FAM20A: variants seen among roughly 807,000 people sequenced by gnomAD.
FAM20A encodes pseudokinase FAM20A.
Under a neutral mutation model 52.0 loss-of-function variants are expected in FAM20A, and 42 were observed. That is an observed-to-expected ratio of 0.81 (90% CI 0.63 to 1.04). The LOEUF (loss-of-function observed/expected upper bound fraction) is 1.04. Ranked by LOEUF, FAM20A falls within the 50% of genes least tolerant of loss-of-function variation. The probability of loss-of-function intolerance (pLI) is 0.00; values close to 1 mark genes in which losing one functional copy is unlikely to be tolerated. For missense variants in FAM20A, 742 were observed against 712.7 expected, an observed-to-expected ratio of 1.04 and a Z score of -0.47; for synonymous variants, 304 against 298.9, an observed-to-expected ratio of 1.02 and a Z score of -0.18.
chr17:68,585,441 G>T, intron 1 of FAM20A, among the ~76,000 whole-genome samples: 1 of 90,448 alleles, frequency 1.1e-5, no homozygotes, highest in South Asian at 4.4e-4. Context: ...CCAATACCAT[G>T]GCTTTATTTA....
chr17:68,580,447 A>G (rs2087910831), intron 1 of FAM20A, among the ~76,000 whole-genome samples: 1 of 152,202 alleles, frequency 6.6e-6, no homozygotes, highest in African/African-American at 2.4e-5. Context: ...AGCTGGTTTT[A>G]TGCTATGTTG....
rs2086132711 is a variant in FAM20A at position 68,537,653 on chromosome 17, C to G, written c.1450G>C (p.Asp484His). Residue 484 changes from aspartate to histidine, a missense_variant, in exon 11 of 11, where the codon GAC (aspartate) becomes CAC (histidine). By Grantham distance (81) the Asp-to-His change is moderately conservative. Transcript: ENST00000592554. This position sits in a 1 kb window ranked among gnomAD's most constrained non-coding sequence, Gnocchi z 4.2. ...SDVMRESLLE[D>H]QLSPVLTEPH... ...TCAGTGAGGACAGGGCTGAGCTGGTCTTCCAGCAGTGATTCTCGCATCACA... is the reference window on the plus strand; with the variant it reads ...TCAGTGAGGACAGGGCTGAGCTGGTGTTCCAGCAGTGATTCTCGCATCACA... 6.2e-7 allele frequency: 1 copy of G among 1,613,798 alleles called. No homozygotes were observed.
intron 2 of FAM20A, among the ~76,000 whole-genome samples, 178 bp from the exon 3 acceptor site, chr17:68,555,005 T>G (rs1321984040): frequency 1.3e-5 from 2 of 152,298 alleles, no homozygotes; most frequent in East Asian, 3.9e-4. Flanking sequence ...CCTCCTTCCC[T>G]GCTGTGTCCC....
chr17:68,575,128 C>G (rs1177523135), intron 1 of FAM20A: 1 of 151,990 alleles, frequency 6.6e-6, no homozygotes, highest in Non-Finnish European at 1.5e-5. Flanking sequence ...CCTAGAGCCT[C>G]AGGAGGGGAC....
chr17:68,577,241 C>T (rs937466028), intron 1 of FAM20A, among the ~76,000 whole-genome samples: 13 of 152,330 alleles, frequency 8.5e-5, no homozygotes, highest in Middle Eastern at 3.4e-3. Flanking sequence ...CATTTCCTTA[C>T]GTAGCACACA....
intron 1 of FAM20A, chr17:68,592,026 A>T (rs1056005296): frequency 6.6e-6 from 1 of 152,208 alleles, no homozygotes; most frequent in Admixed American, 6.5e-5. Context: ...GAAAATGAAC[A>T]TATGCACTGG....
At position 68,599,567 on chromosome 17, in the gene FAM20A, C is replaced by T. The variant is rs546917056; in HGVS notation, c.404+696G>A. 2.0e-5 allele frequency among the ~76,000 whole-genome samples: 3 copies of T among 152,310 alleles called. No homozygotes were observed. The South Asian group carries it at 6.2e-4, about 32-fold the overall frequency. On this transcript the variant is annotated intron_variant, in intron 1 of 10. Coordinates refer to ENST00000592554, the MANE Select transcript of FAM20A (RefSeq NM_017565.4). The stretch of plus-strand genomic sequence containing the variant: ...CATCAAGCCGCAGATCCAAGTCAGT[C>T]CAAATCACCAGGATCATACAAGACG...
At chr17:68,545,143 C>T (rs1425158164) in intron 4 of FAM20A, among the ~76,000 whole-genome samples, 1 of 152,132 alleles carries the variant, frequency 6.6e-6, no homozygotes, top group African/African-American at 2.4e-5. Flanking sequence ...TCAAGAGATA[C>T]ATTTTAAAAT....
chr17:68,575,224 T>G (rs2087693441), intron 1 of FAM20A: 1 of 151,058 alleles, frequency 6.6e-6, no homozygotes, highest in Non-Finnish European at 1.5e-5. Context: ...CCAGTCAGTT[T>G]GTAATAATGT....
At chr17:68,585,922 C>T (rs1394364722) in intron 1 of FAM20A, among the ~76,000 whole-genome samples, 2 of 152,080 alleles carry the variant, frequency 1.3e-5, no homozygotes, top group African/African-American at 2.4e-5. Flanking sequence ...GGAGGTGAGG[C>T]GAGAAGGACA....
At chr17:68,541,047 C>G (rs2086267529) in intron 7 of FAM20A, 89 bp from the exon 8 acceptor site, 2 of 1,539,322 alleles carry the variant, frequency 1.3e-6, no homozygotes, top group East Asian at 4.9e-5. Flanking sequence ...CCCCCCAATC[C>G]CTGCCTCCCT....
At chr17:68,564,559 G>A (rs1265571554) in intron 1 of FAM20A, among the ~76,000 whole-genome samples, 3 of 152,224 alleles carry the variant, frequency 2.0e-5, no homozygotes, top group Non-Finnish European at 4.4e-5. Flanking sequence ...TGGCATGTGT[G>A]TGAGACTGCA....
chr17:68,600,161 C>T lies in FAM20A; in HGVS notation c.404+102G>A. The T allele has an allele frequency of 7.4e-7, 1 of 1,359,068 alleles. No individual in the cohort carries two copies. Among genetic ancestry groups the T allele is most frequent in the Non-Finnish European group, 9.9e-7 (1 of 1,013,996 alleles). 84.2% of individuals were successfully genotyped at this position (1,359,068 alleles called of 1,614,324 possible). A position where few individuals can be genotyped will look rare whatever the true frequency, so the allele number is the denominator to read the frequency against. ...CCAGGGCTGGAGCCGTGGGTGGAGC[C>T]GCTGCAGCCCTGGGCCGGGGGCGTC... On this transcript the variant is annotated intron_variant, in intron 1 of 10. Coordinates refer to ENST00000592554, the MANE Select transcript of FAM20A (RefSeq NM_017565.4). This position sits in a 1 kb window ranked among gnomAD's most constrained non-coding sequence, Gnocchi z 6.2.
At chr17:68,546,721 T>C (rs539213905) in intron 4 of FAM20A, among the ~76,000 whole-genome samples, 315 of 151,026 alleles carry the variant, frequency 2.1e-3, no homozygotes, top group Admixed American at 4.1e-3. Flanking sequence ...TCCCAGCCAC[T>C]CGGGAGGCTG....
At chr17:68,557,742 G>C (rs2087095406) in intron 1 of FAM20A, among the ~76,000 whole-genome samples, 1 of 152,182 alleles carries the variant, frequency 6.6e-6, no homozygotes, top group Non-Finnish European at 1.5e-5. Context: ...TGATTGCCCA[G>C]TGCAGAGGAG....
At chr17:68,593,146 TATGTC>T (rs2088359043) in intron 1 of FAM20A, among the ~76,000 whole-genome samples, 1 of 152,252 alleles carries the variant, frequency 6.6e-6, no homozygotes, top group African/African-American at 2.4e-5. Flanking sequence ...GGTAAGAACT[TATGTC>T]TAGTAACTTC....
chr17:68,539,291 G>A (rs2086189380), intron 10 of FAM20A, 46 bp downstream of exon 10: 3 of 1,602,040 alleles, frequency 1.9e-6, no homozygotes, highest in African/African-American at 2.7e-5. Context: ...AGCATGAAGG[G>A]TCACAACTGT....
rs766899260 is a variant in FAM20A, at chr17:68,537,460, CTG to C, written c.*15_*16del. On this transcript the variant is annotated 3_prime_UTR_variant, in exon 11 of 11. Transcript: ENST00000592554. This position sits in a 1 kb window ranked among gnomAD's most constrained non-coding sequence, Gnocchi z 4.2. The stretch of plus-strand genomic sequence containing the variant: ...CTGGCTCCAGGCGTATTTTCTGAAA[CTG>C]GACTCTGCCAGCCCTTAGCTTGTCA... 1 of 1,613,922 alleles carries C rather than the reference CTG, an allele frequency of 6.2e-7. No homozygotes were observed. The highest frequency in any genetic ancestry group is 1.3e-5 in the African/African-American group (1 of 74,894).
At chr17:68,558,588 C>A (rs1209688621) in intron 1 of FAM20A, among the ~76,000 whole-genome samples, 1 of 152,200 alleles carries the variant, frequency 6.6e-6, no homozygotes, top group Non-Finnish European at 1.5e-5. Flanking sequence ...CTGTTCTCTA[C>A]CACCTTCTGC....
Sources: allele counts gnomAD v4.1 joint callset (sites outside exome capture counted in the v4.1 genomes callset), GRCh38; gene constraint gnomAD v4.1.1; non-coding constraint Gnocchi (gnomAD v3.1); transcripts MANE v1.5; gene names NCBI Gene and HGNC (gene_info 2026-07-23, HGNC 2026-07-21).